WNT9B: variants seen among roughly 807,000 people sequenced by gnomAD.
The protein encoded by WNT9B is Wnt family member 9B.
WNT9B carries 12 observed loss-of-function variants against 30.2 expected under a neutral mutation model. The ratio of observed to expected loss-of-function variants is 0.40; its 90% CI spans 0.26 to 0.64. The LOEUF (loss-of-function observed/expected upper bound fraction) is 0.64, where lower values mean the gene tolerates loss of function less well. WNT9B is among the 30% of genes least tolerant of loss of function. The pLI, the probability that WNT9B is intolerant of heterozygous loss-of-function variation, is 0.42. For synonymous variants in WNT9B, 218 were observed against 216.9 expected, an observed-to-expected ratio of 1.01 and a Z score of -0.05; for missense variants, 442 against 485.2, an observed-to-expected ratio of 0.91 and a Z score of 0.84.
chr17:46,858,780 C>A (rs754435233), intron 1 of WNT9B, among the ~76,000 whole-genome samples: 2 of 152,068 alleles, frequency 1.3e-5, no homozygotes, highest in African/African-American at 2.4e-5. Flanking sequence ...GATCCTCCTG[C>A]CTTAGCCTCC....
intron 1 of WNT9B, among the ~76,000 whole-genome samples, chr17:46,854,600 C>G (rs181653063): frequency 1.3e-5 from 2 of 151,694 alleles, no homozygotes; most frequent in East Asian, 3.9e-4. Context: ...TTTGAGTGAG[C>G]CTAGAGCCTA....
intron 1 of WNT9B, among the ~76,000 whole-genome samples, chr17:46,871,701 A>G (rs2085246966): frequency 6.6e-6 from 1 of 152,330 alleles, no homozygotes; most frequent in East Asian, 1.9e-4. Context: ...CTAGAACATC[A>G]GCCTTAGAAT....
intron 1 of WNT9B, among the ~76,000 whole-genome samples, chr17:46,858,514 T>C (rs2146560559): frequency 6.6e-6 from 1 of 152,222 alleles, no homozygotes; most frequent in South Asian, 2.1e-4. Flanking sequence ...AGAAATGATA[T>C]CTTTCGGTCC....
At position 46,835,776 on chromosome 17, in the gene WNT9B, G is replaced by A. The variant is rs1245781288; in HGVS notation, c.95+2336G>A. Among the ~76,000 whole-genome samples, 6 of 152,260 alleles carry A rather than the reference G, an allele frequency of 3.9e-5. No individual in the cohort carries two copies. The East Asian group carries it at 9.6e-4, about 24-fold the overall frequency. On this transcript the variant is annotated intron_variant, in intron 1 of 2. Coordinates refer to the WNT9B transcript ENST00000575372. ...ATGCAATGAGGAACAGATCCAGCTG[G>A]GTTGGAGGGAAGGGAGGAGGGCCTG...
At chr17:46,849,659 G>A (rs1033686334), upstream of WNT9B, among the ~76,000 whole-genome samples, 1 of 152,146 alleles carries the variant, frequency 6.6e-6, no homozygotes, top group Admixed American at 6.5e-5. Context: ...GATCAGAAAC[G>A]ATGCCACATT....
intron 1 of WNT9B, among the ~76,000 whole-genome samples, chr17:46,866,271 C>G (rs2085133961): frequency 6.6e-6 from 1 of 152,150 alleles, no homozygotes; most frequent in Non-Finnish European, 1.5e-5. Flanking sequence ...CTTACTGGGC[C>G]AGGCACTGCC....
intron 1 of WNT9B, among the ~76,000 whole-genome samples, chr17:46,853,217 C>A (rs942965188): frequency 1.3e-5 from 2 of 152,010 alleles, no homozygotes; most frequent in African/African-American, 4.8e-5. Flanking sequence ...TTGGCCAAGT[C>A]ACTTAACTTA....
intron 1 of WNT9B, among the ~76,000 whole-genome samples, chr17:46,856,110 T>A (rs547133307): frequency 6.6e-6 from 1 of 152,350 alleles, no homozygotes; most frequent in South Asian, 2.1e-4. Context: ...TCTGCACTGG[T>A]TGAGTTTCTT....
chr17:46,886,373 A>C (rs1400245258), exon 5 of WNT9B: 1 of 152,220 alleles, frequency 6.6e-6, no homozygotes, highest in Non-Finnish European at 1.5e-5. Context: ...TAATAAATAA[A>C]ATTTGTAGGA....
At chr17:46,866,550 G>A (rs557821957) in intron 1 of WNT9B, among the ~76,000 whole-genome samples, 2 of 152,190 alleles carry the variant, frequency 1.3e-5, no homozygotes, top group South Asian at 4.1e-4. Context: ...AAAGCACAAA[G>A]GGCGCACTCA....
At chr17:46,860,226 A>G (rs2085012256) in intron 1 of WNT9B, among the ~76,000 whole-genome samples, 1 of 152,170 alleles carries the variant, frequency 6.6e-6, no homozygotes, top group South Asian at 2.1e-4. Flanking sequence ...TCTGTGGCTG[A>G]GGACGGGAAG....
intron 1 of WNT9B, among the ~76,000 whole-genome samples, chr17:46,842,298 T>C (rs187395667): frequency 3.3e-5 from 5 of 152,344 alleles, no homozygotes; most frequent in African/African-American, 1.2e-4. Flanking sequence ...ATGCCGCTGC[T>C]GCACACCCCA....
At chr17:46,837,681 G>A (rs1181805313) in intron 1 of WNT9B, among the ~76,000 whole-genome samples, 2 of 152,180 alleles carry the variant, frequency 1.3e-5, no homozygotes, top group Non-Finnish European at 2.9e-5. Context: ...AGGTGGTGAT[G>A]CCCCTGCTGG....
exon 5 of WNT9B, chr17:46,886,318 A>T (rs982293733): frequency 6.6e-6 from 1 of 152,246 alleles, no homozygotes; most frequent in Non-Finnish European, 1.5e-5. Flanking sequence ...AGGTTAAATG[A>T]GAGAAGACAT....
chr17:46,851,601 C>T lies in WNT9B; in HGVS notation c.-38C>T, dbSNP rs1450798612. ...GTGGCGGAGCTGCGAGCTTGAGCGG[C>T]GCGAGGAGATGCTAGAGGGCGCAGC... On this transcript the variant is annotated 5_prime_UTR_variant, in exon 1 of 4. Coordinates refer to ENST00000290015, the MANE Select transcript of WNT9B (RefSeq NM_003396.3). This position sits in a 1 kb window ranked among gnomAD's most constrained non-coding sequence, Gnocchi z 4.3. The T allele has an allele frequency of 8.4e-7, 1 of 1,187,382 alleles. No homozygotes were observed. The highest frequency in any genetic ancestry group is 1.1e-6 in the Non-Finnish European group (1 of 944,110). 73.6% of individuals were successfully genotyped at this position (1,187,382 alleles called of 1,614,324 possible).
Position 46,871,453 on chromosome 17 carries a change from C to T in WNT9B, c.78-1064C>T, listed in dbSNP as rs9909559. Among the ~76,000 whole-genome samples the T allele has an allele frequency of 6.1e-3, 924 of 152,262 alleles. 8 individuals are homozygous for T. Among genetic ancestry groups the T allele is most frequent in the African/African-American group, 0.021 (883 of 41,546 alleles). Reference sequence around the variant, plus strand: ...ATGACCAGTCCAGTCACTGCCCCCTCGTAAATCCTTTGTTTCCTCATCTGG... The same window carrying T: ...ATGACCAGTCCAGTCACTGCCCCCTTGTAAATCCTTTGTTTCCTCATCTGG... On this transcript the variant is annotated intron_variant, in intron 1 of 3. Coordinates refer to ENST00000290015, the MANE Select transcript of WNT9B (RefSeq NM_003396.3).
chr17:46,835,928 T>G (rs528792147), intron 1 of WNT9B, among the ~76,000 whole-genome samples: 4 of 152,276 alleles, frequency 2.6e-5, no homozygotes, highest in African/African-American at 9.6e-5. Flanking sequence ...GGGACAGGAC[T>G]CTCCTGGTGG....
exon 5 of WNT9B, chr17:46,885,771 G>C (rs1212004129): frequency 2.0e-5 from 3 of 152,256 alleles, no homozygotes; most frequent in African/African-American, 7.2e-5. Flanking sequence ...CAGGCTTCCT[G>C]GTGTAGCTGG....
chr17:46,885,204 C>T (rs1311051232), downstream of WNT9B: 1 of 314,504 alleles, frequency 3.2e-6, no homozygotes, highest in Non-Finnish European at 6.2e-6. Flanking sequence ...TGAGGTTTCT[C>T]CATGTTGGTC....
Sources: gnomAD v4.1 joint callset for allele counts (sites outside exome capture counted in the v4.1 genomes callset) on GRCh38, gnomAD v4.1.1 for gene constraint, Gnocchi (gnomAD v3.1) non-coding constraint, MANE v1.5 for transcripts, NCBI Gene and HGNC (gene_info 2026-07-23, HGNC 2026-07-21) for gene names.